JPH3: variants seen among roughly 807,000 people sequenced by gnomAD.
JPH3 encodes the protein junctophilin-3.
A neutral mutation model predicts 59.6 loss-of-function variants in JPH3; 11 were observed. The observed-to-expected ratio is 0.18, with a 90% confidence interval of 0.12 to 0.31. JPH3 has a LOEUF of 0.31. Among genes scored for constraint, JPH3 ranks in the 10% least tolerant of loss-of-function variants. JPH3 has a pLI of 1.00. For synonymous variants in JPH3, 673 were observed against 483.6 expected (o/e 1.39, Z -5.14); for missense variants, 1,202 against 1,105.7 (o/e 1.09, Z -1.24).
At chr16:87,692,140 AG>A (rs774931113) in intron 4 of JPH3, among the ~76,000 whole-genome samples, 1 of 151,326 alleles carries the variant, frequency 6.6e-6, no homozygotes, top group Non-Finnish European at 1.5e-5. Context: ...GGAGGATGCC[AG>A]CTGAGCTCCT....
intron 1 of JPH3, among the ~76,000 whole-genome samples, chr16:87,643,607 C>A (rs545680618): frequency 6.6e-6 from 1 of 152,224 alleles, no homozygotes. Context: ...AGCCTCCTAA[C>A]CCAGGACGCG....
rs116066667 is a variant in JPH3, at chr16:87,663,818, G to C, written c.1160+18783G>C. Among the ~76,000 whole-genome samples the C allele has an allele frequency of 3.9e-3, 597 of 152,316 alleles. 8 individuals are homozygous for C. The highest frequency in any genetic ancestry group is 0.013 in the African/African-American group (559 of 41,570). On this transcript the variant is annotated intron_variant, in intron 2 of 4. Transcript: ENST00000284262. The stretch of plus-strand genomic sequence containing the variant: ...TGTGTCTCTGAACCCCTTGACATGT[G>C]AAGCTGTGCTGCCGTTTTTATTAGG...
intron 2 of JPH3, among the ~76,000 whole-genome samples, chr16:87,677,209 CACACACACACACACACAAAAAA>C (rs2033168338): frequency 8.1e-6 from 1 of 123,410 alleles, no homozygotes; most frequent in African/African-American, 3.5e-5. Flanking sequence ...CACACACACA[CACACACACACACACACAAAAAA>C]AAAAATTAGC....
At chr16:87,629,791 C>A (rs2031503990) in intron 1 of JPH3, among the ~76,000 whole-genome samples, 1 of 152,086 alleles carries the variant, frequency 6.6e-6, no homozygotes, top group African/African-American at 2.4e-5. Flanking sequence ...TGTGCACACC[C>A]ATGGAAGGCG....
intron 2 of JPH3, among the ~76,000 whole-genome samples, chr16:87,665,876 C>T (rs1343646816): frequency 6.6e-6 from 1 of 152,216 alleles, no homozygotes; most frequent in Non-Finnish European, 1.5e-5. Flanking sequence ...GGACACAGCC[C>T]TGTCCTCAGC....
intron 1 of JPH3, among the ~76,000 whole-genome samples, chr16:87,615,784 T>G (rs2030933477): frequency 1.3e-5 from 2 of 152,206 alleles, no homozygotes; most frequent in South Asian, 4.1e-4. Flanking sequence ...TCCAGTCGCC[T>G]TCCCTCCTCT....
intron 2 of JPH3, among the ~76,000 whole-genome samples, chr16:87,652,224 C>G (rs1209892003): frequency 6.6e-6 from 1 of 152,184 alleles, no homozygotes; most frequent in Non-Finnish European, 1.5e-5. Context: ...ATCCGCCCAC[C>G]TCGGCCTCCC....
chr16:87,672,050 G>A (rs970094214), intron 2 of JPH3, among the ~76,000 whole-genome samples: 35 of 152,192 alleles, frequency 2.3e-4, no homozygotes, highest in South Asian at 8.3e-4. Flanking sequence ...GTGGAGATGC[G>A]GTGCCCTCGC....
intron 2 of JPH3, among the ~76,000 whole-genome samples, chr16:87,676,609 C>T (rs2033146545): frequency 6.6e-6 from 1 of 151,958 alleles, no homozygotes; most frequent in African/African-American, 2.4e-5. Context: ...TGGTGCGCGC[C>T]TGTAATCCCA....
At position 87,658,350 on chromosome 16, in the gene JPH3, C is replaced by T. The variant is rs539590798; in HGVS notation, c.1160+13315C>T. Among the ~76,000 whole-genome samples, 12 of 152,204 alleles carry T rather than the reference C, an allele frequency of 7.9e-5. No homozygotes were observed. The East Asian group carries it at 2.1e-3, about 27-fold the overall frequency. On this transcript the variant is annotated intron_variant, in intron 2 of 4. Coordinates refer to ENST00000284262, the MANE Select transcript of JPH3 (RefSeq NM_020655.4). ...GAATTTTCTCTGTTTCCCTCTCTCT[C>T]TCCTTCTCCCCGCTTCTCCCCCTCT...
chr16:87,612,967 A>G (rs1468072576), intron 1 of JPH3, among the ~76,000 whole-genome samples: 4 of 151,258 alleles, frequency 2.6e-5, no homozygotes, highest in African/African-American at 4.9e-5. Flanking sequence ...CGGAGCTTGC[A>G]GTGAGCCAAG....
chr16:87,622,300 C>T (rs867371293), intron 1 of JPH3, among the ~76,000 whole-genome samples: 5 of 152,224 alleles, frequency 3.3e-5, no homozygotes, highest in African/African-American at 4.8e-5. Flanking sequence ...TCCTCCTCTC[C>T]TCCTGGGCTT....
rs990150588 is a variant in JPH3 at position 87,652,086 on chromosome 16, T to G, written c.1160+7051T>G. 3.3e-5 allele frequency among the ~76,000 whole-genome samples: 5 copies of G among 151,670 alleles called. No individual in the cohort carries two copies. In the East Asian group the frequency reaches 9.8e-4, roughly 30 times the overall value. ...GCCTCCCAGGTTCACGCCATTCTCC[T>G]GCCTCAGCCTCCCAAGTAGCTGGGA... On this transcript the variant is annotated intron_variant, in intron 2 of 4. Transcript: ENST00000284262.
At chr16:87,673,068 C>T (rs2033057025) in intron 2 of JPH3, among the ~76,000 whole-genome samples, 1 of 151,946 alleles carries the variant, frequency 6.6e-6, no homozygotes, top group Admixed American at 6.6e-5. Context: ...ATCGCTTAAA[C>T]CCAGGAGGCG....
chr16:87,696,010 A>C, intron 4 of JPH3: 1 of 456,086 alleles, frequency 2.2e-6, no homozygotes, highest in South Asian at 1.5e-5. Context: ...GCAATTGGAC[A>C]CAGTCCTCCA....
intron 4 of JPH3, chr16:87,695,342 G>T (rs768925215): frequency 1.3e-5 from 6 of 455,988 alleles, no homozygotes; most frequent in East Asian, 6.9e-5. Flanking sequence ...TAACAGGGAG[G>T]GGGAGGAGAG....
At position 87,644,301 on chromosome 16, in the gene JPH3, C is replaced by T. The variant is rs374849409; in HGVS notation, c.426C>T (p.Tyr142=). Reference sequence around the variant, plus strand: ...GGGTCGGTGGCATGCGCCAGGGCTACGGCGTCCGGCAGAGCGTCCCGTATG... The same window carrying T: ...GGGTCGGTGGCATGCGCCAGGGCTATGGCGTCCGGCAGAGCGTCCCGTATG... ...GQWVGGMRQG[Y]GVRQSVPYGM... is the part of the protein sequence containing the mutation. Residue 142 remains tyrosine, a synonymous_variant, in exon 2 of 5, where the codon TAC becomes TAT. Transcript: ENST00000284262. The T allele has an allele frequency of 7.8e-5, 126 of 1,612,384 alleles. No individual in the cohort carries two copies. Among genetic ancestry groups the T allele is most frequent in the East Asian group, 3.1e-4 (14 of 44,876 alleles).
Position 87,630,147 on chromosome 16 carries a change from C to T in JPH3, c.383-14111C>T, listed in dbSNP as rs149841684. ...GTCCCCACAGCACAGATTGGTGGACCTTCAGCCCCCACACTGGAGGCACTG... is the reference window on the plus strand; with the variant it reads ...GTCCCCACAGCACAGATTGGTGGACTTTCAGCCCCCACACTGGAGGCACTG... On this transcript the variant is annotated intron_variant, in intron 1 of 4. Transcript: ENST00000284262. Among the ~76,000 whole-genome samples, 1,309 of 152,274 alleles carry T rather than the reference C, an allele frequency of 8.6e-3. 21 individuals carry two copies. Among genetic ancestry groups the T allele is most frequent in the African/African-American group, 0.029 (1,199 of 41,548 alleles).
intron 1 of JPH3, among the ~76,000 whole-genome samples, chr16:87,629,010 C>T (rs1005940838): frequency 3.3e-5 from 5 of 152,090 alleles, no homozygotes; most frequent in African/African-American, 7.2e-5. Context: ...TGGGGGTGAA[C>T]AGAAGGGCTG....
Sources: allele counts gnomAD v4.1 joint callset (sites outside exome capture counted in the v4.1 genomes callset), GRCh38; gene constraint gnomAD v4.1.1; transcripts MANE v1.5; gene names NCBI Gene and HGNC (gene_info 2026-07-23, HGNC 2026-07-21).